The following ACSM2B variants were observed in gnomAD, a reference collection of about 807,000 sequenced individuals.
ACSM2B encodes the protein acyl-coenzyme A synthetase ACSM2B, mitochondrial.
ACSM2B carries 58 observed loss-of-function variants against 78.6 expected under a neutral mutation model. The ratio of observed to expected loss-of-function variants is 0.74; its 90% CI spans 0.60 to 0.92. The LOEUF (loss-of-function observed/expected upper bound fraction) is 0.92, where lower values mean the gene tolerates loss of function less well. ACSM2B is among the 40% of genes least tolerant of loss of function. ACSM2B has a pLI of 0.00. For missense variants in ACSM2B, 688 were observed against 711.2 expected (o/e 0.97, Z 0.37); for synonymous variants, 257 against 256.8 (o/e 1.00, Z -0.01).
At chr16:20,537,535 T>C (rs1220723983) in intron 13 of ACSM2B, among the ~76,000 whole-genome samples, 173 bp from the exon 14 acceptor site, 2 of 152,126 alleles carry the variant, frequency 1.3e-5, no homozygotes, top group Admixed American at 1.3e-4. Context: ...AATAAGAGGA[T>C]GGCTAGAATT....
chr16:20,537,206 G>T lies in ACSM2B; in HGVS notation c.*52C>A. On this transcript the variant is annotated 3_prime_UTR_variant, in exon 14 of 14. Coordinates refer to ENST00000329697, the MANE Select transcript of ACSM2B (RefSeq NM_001105069.2). Reference sequence around the variant, plus strand: ...TCATAGTAAGGCCAAGGGCCCAAAGGGAAAAGAAAGAGAAAGAAGAGGGGA... The same window carrying T: ...TCATAGTAAGGCCAAGGGCCCAAAGTGAAAAGAAAGAGAAAGAAGAGGGGA... 6.2e-7 allele frequency: 1 copy of T among 1,602,106 alleles called. No homozygotes were observed. The highest frequency in any genetic ancestry group is 8.5e-7 in the Non-Finnish European group (1 of 1,169,686).
chr16:20,545,325 A>T, intron 9 of ACSM2B, 67 bp from the exon 10 acceptor site: 1 of 1,548,604 alleles, frequency 6.5e-7, no homozygotes, highest in Non-Finnish European at 8.8e-7. Flanking sequence ...GCAGCAGGAG[A>T]TTGCTGAGTT....
In ACSM2B at chr16:20,537,131, G is replaced by A. The variant is rs912143265; in HGVS notation, c.*127C>T. The A allele has an allele frequency of 7.8e-6, 9 of 1,153,680 alleles. 1 individual carries two copies. Among genetic ancestry groups the A allele is most frequent in the South Asian group, 5.8e-5 (4 of 68,722 alleles). 71.5% of individuals were successfully genotyped at this position (1,153,680 alleles called of 1,614,324 possible). A position where few individuals can be genotyped will look rare whatever the true frequency, so the allele number is the denominator to read the frequency against. On this transcript the variant is annotated 3_prime_UTR_variant, in exon 14 of 14. Coordinates refer to ENST00000329697, the MANE Select transcript of ACSM2B (RefSeq NM_001105069.2). ...TAGTAATGTTTTGTGCTAATAACCA[G>A]GGCAAGACAAAACTTACATTCATGT... is the stretch of plus-strand genomic sequence containing the variant.
At position 20,565,278 on chromosome 16, in the gene ACSM2B, T is replaced by G. The variant is rs548870558; in HGVS notation, c.-8-425A>C. Among the ~76,000 whole-genome samples the G allele has an allele frequency of 1.8e-4, 28 of 152,298 alleles. No homozygotes were observed. In the South Asian group the frequency reaches 5.8e-3, roughly 32 times the overall value. ...AATATGTATCCACCTCTCATTGACTTTGGCTTGCTCAAGAGATATGCTTTG... is the reference window on the plus strand; with the variant it reads ...AATATGTATCCACCTCTCATTGACTGTGGCTTGCTCAAGAGATATGCTTTG... On this transcript the variant is annotated intron_variant, in intron 1 of 13. Transcript: ENST00000329697.
intron 1 of ACSM2B, among the ~76,000 whole-genome samples, chr16:20,565,067 A>G (rs1238542756): frequency 6.6e-6 from 1 of 152,116 alleles, no homozygotes; most frequent in East Asian, 1.9e-4. Context: ...CCAGTCCTAG[A>G]TCCTACATAT....
intron 1 of ACSM2B, among the ~76,000 whole-genome samples, chr16:20,567,987 G>A (rs890723489): frequency 4.9e-5 from 7 of 141,572 alleles, no homozygotes; most frequent in East Asian, 2.0e-4. Context: ...AAATATTCAC[G>A]TATTTTTACA....
chr16:20,565,424 T>C (rs146980165), intron 1 of ACSM2B, among the ~76,000 whole-genome samples: 1 of 152,018 alleles, frequency 6.6e-6, no homozygotes, highest in African/African-American at 2.4e-5. Context: ...ACCCAGAACA[T>C]CAAGAAATGT....
chr16:20,548,432 A>G lies in ACSM2B; in HGVS notation c.936T>C (p.Pro312=), dbSNP rs141915122. 3.7e-3 allele frequency: 5,922 copies of G among 1,611,690 alleles called. 156 individuals are homozygous for G. The African/African-American group carries it at 0.047, about 13-fold the overall frequency. ...SYPIKSMMGA[P]IVYRMLLQQD... ...GCTGTAGCAACATCCGGTAAACAATAGGGGCACCCATCATACTCTTGATTG... is the reference window on the plus strand; with the variant it reads ...GCTGTAGCAACATCCGGTAAACAATGGGGGCACCCATCATACTCTTGATTG... Residue 312 remains proline (P), a synonymous_variant, in exon 7 of 14, where the codon CCT becomes CCC. Transcript: ENST00000329697.
chr16:20,574,676 AG>A (rs2016195614), intron 1 of ACSM2B: 1 of 147,724 alleles, frequency 6.8e-6, no homozygotes, highest in Admixed American at 6.6e-5. Flanking sequence ...TCACTTTAAC[AG>A]TAGATACTTG....
chr16:20,544,264 A>G (rs2015075703), intron 10 of ACSM2B, among the ~76,000 whole-genome samples: 1 of 152,140 alleles, frequency 6.6e-6, no homozygotes, highest in Admixed American at 6.5e-5. Context: ...GATCTACAAC[A>G]ATTCTTTTAT....
chr16:20,566,148 T>C lies in ACSM2B; in HGVS notation c.-8-1295A>G, dbSNP rs566312532. On this transcript the variant is annotated intron_variant, in intron 1 of 13. Coordinates refer to ENST00000329697, the MANE Select transcript of ACSM2B (RefSeq NM_001105069.2). ...CTATTTTTATATATATTTTTGTTTA[T>C]ATAATATATATATATGTAATAAACG... Among the ~76,000 whole-genome samples, 186 of 144,268 alleles carry C rather than the reference T, an allele frequency of 1.3e-3. 1 individual carries two copies. Among genetic ancestry groups the C allele is most frequent in the African/African-American group, 4.3e-3 (172 of 39,704 alleles). The allele number at this position is 144,268 out of a possible 152,430, so 94.6% of individuals were successfully genotyped here.
rs572755244 is a variant in ACSM2B, at chr16:20,560,782, C to T, written c.178-1335G>A. The stretch of plus-strand genomic sequence containing the variant: ...TAGAAAGATGAGGAAAAGTTTGGAA[C>T]GTCTTAGGCACTGGTTAAATAGTTG... On this transcript the variant is annotated intron_variant, in intron 2 of 13. Coordinates refer to ENST00000329697, the MANE Select transcript of ACSM2B (RefSeq NM_001105069.2). Among the ~76,000 whole-genome samples the T allele has an allele frequency of 3.9e-5, 6 of 152,156 alleles. No individual in the cohort carries two copies. The East Asian group carries it at 9.6e-4, about 24-fold the overall frequency.
chr16:20,567,583 AAAT>A lies in ACSM2B; in HGVS notation c.-8-2733_-8-2731del, dbSNP rs1415754503. ...ATATAAATTATATATAAAAATATAT[AAAT>A]AATAATATAAGATATATAATATATA... is the stretch of plus-strand genomic sequence containing the variant. On this transcript the variant is annotated intron_variant, in intron 1 of 13. Transcript: ENST00000329697. Among the ~76,000 whole-genome samples, 10 of 134,572 alleles carry A rather than the reference AAAT, an allele frequency of 7.4e-5. No homozygotes were observed. In the South Asian group the frequency reaches 1.7e-3, roughly 23 times the overall value. The allele number at this position is 134,572 out of a possible 152,430, so 88.3% of individuals were successfully genotyped here.
At chr16:20,573,276 CT>C (rs2016144620) in intron 1 of ACSM2B, among the ~76,000 whole-genome samples, 1 of 151,526 alleles carries the variant, frequency 6.6e-6, no homozygotes, top group Non-Finnish European at 1.5e-5. Flanking sequence ...ATGTAGTACT[CT>C]TTCCCTTTTC....
chr16:20,541,882 C>T (rs2015003777), intron 12 of ACSM2B: 1 of 152,256 alleles, frequency 6.6e-6, no homozygotes, highest in Admixed American at 6.5e-5. Context: ...GGGGTTTCAC[C>T]ATCTTGGCCA....
chr16:20,540,383 C>T (rs112721249), intron 13 of ACSM2B, among the ~76,000 whole-genome samples: 9,470 of 151,970 alleles, frequency 0.062, 413 homozygotes, highest in East Asian at 0.19. Flanking sequence ...GCTGGGATTA[C>T]AGGCACATGC....
chr16:20,566,283 A>ATATATG (rs2015836780), intron 1 of ACSM2B, among the ~76,000 whole-genome samples: 5 of 129,228 alleles, frequency 3.9e-5, no homozygotes, highest in African/African-American at 1.1e-4. Flanking sequence ...ATATATATAT[A>ATATATG]TAGACAGATA....
At chr16:20,556,179 AC>A (rs1317495367) in intron 3 of ACSM2B, among the ~76,000 whole-genome samples, 1 of 152,176 alleles carries the variant, frequency 6.6e-6, no homozygotes, top group Non-Finnish European at 1.5e-5. Flanking sequence ...AGCATGCTGT[AC>A]AATTTATCTT....
intron 1 of ACSM2B, among the ~76,000 whole-genome samples, chr16:20,572,803 G>C (rs1232000900): frequency 2.0e-5 from 3 of 151,678 alleles, no homozygotes; most frequent in African/African-American, 7.3e-5. Context: ...TGTTGGATTT[G>C]GCTAAGTCAA....
Sources: allele counts gnomAD v4.1 joint callset (sites outside exome capture counted in the v4.1 genomes callset), GRCh38; gene constraint gnomAD v4.1.1; transcripts MANE v1.5; gene names NCBI Gene and HGNC (gene_info 2026-07-23, HGNC 2026-07-21).